Variants in SQOR observed in about 807,000 individuals in gnomAD.
SQOR encodes the protein sulfide:quinone oxidoreductase, mitochondrial.
In SQOR, 39 loss-of-function variants were observed where a neutral mutation model predicts 48.6. The observed-to-expected ratio is 0.80, with a 90% confidence interval of 0.62 to 1.05. The LOEUF is 1.05. Ranked by LOEUF, SQOR falls within the 50% of genes least tolerant of loss-of-function variation. SQOR has a pLI of 0.00. For missense variants in SQOR, 561 were observed against 559.9 expected (o/e 1.00, Z -0.02); for synonymous variants, 220 against 206.2 (o/e 1.07, Z -0.57).
At position 45,658,958 on chromosome 15, in the gene SQOR, G is replaced by A. The variant is rs187332233; in HGVS notation, c.35G>A (p.Arg12His). 36 of 1,578,628 alleles carry A rather than the reference G, an allele frequency of 2.3e-5. No individual in the cohort carries two copies. Among genetic ancestry groups the A allele is most frequent in the East Asian group, 2.1e-4 (9 of 43,790 alleles). The change falls in exon 2 of 10, where the codon CGT becomes CAT. Residue 12 changes from arginine (R) to histidine (H), a missense_variant. Arg to His is a conservative substitution (Grantham distance 29). Coordinates refer to ENST00000260324, the MANE Select transcript of SQOR (RefSeq NM_021199.4). ...CTGGTGGCTGTGGTATCAGGGCCCC[G>A]TGCCCAGCTCTTTGCCTGCCTGCTC... is the stretch of plus-strand genomic sequence containing the variant. Reference protein sequence around the residue: ...VPLVAVVSGPRAQLFACLLRL... With the variant: ...VPLVAVVSGPHAQLFACLLRL...
intron 3 of SQOR, among the ~76,000 whole-genome samples, chr15:45,666,443 G>A (rs975939590): frequency 3.3e-5 from 5 of 152,116 alleles, no homozygotes; most frequent in Non-Finnish European, 5.9e-5. Flanking sequence ...ATATTTGTGA[G>A]CAAATTGTGT....
At chr15:45,646,156 C>T (rs934982585) in intron 1 of SQOR, 1 of 152,224 alleles carries the variant, frequency 6.6e-6, no homozygotes, top group African/African-American at 2.4e-5. Context: ...TCTGCCCCTG[C>T]TTAGAGGCCG....
At chr15:45,668,700 G>A (rs1294632816) in intron 3 of SQOR, among the ~76,000 whole-genome samples, 2 of 152,266 alleles carry the variant, frequency 1.3e-5, no homozygotes, top group Non-Finnish European at 2.9e-5. Context: ...ACTGCGATTC[G>A]CTCGGGTTGC....
At chr15:45,669,218 G>A (rs183112973) in intron 3 of SQOR, among the ~76,000 whole-genome samples, 1 of 149,772 alleles carries the variant, frequency 6.7e-6, no homozygotes, top group East Asian at 2.0e-4. Context: ...CAACAAGGCT[G>A]GAGTGCAGTG....
chr15:45,646,814 C>T (rs1301569747), intron 1 of SQOR, among the ~76,000 whole-genome samples: 1 of 152,014 alleles, frequency 6.6e-6, no homozygotes, highest in Admixed American at 6.6e-5. Context: ...ACACCCCTAC[C>T]CACTTACACC....
chr15:45,672,221 C>T lies in SQOR; in HGVS notation c.460-1386C>T, dbSNP rs1033892487. 4.6e-5 allele frequency among the ~76,000 whole-genome samples: 7 copies of T among 152,020 alleles called. No homozygotes were observed. The East Asian group carries it at 1.4e-3, about 29-fold the overall frequency. On this transcript the variant is annotated intron_variant, in intron 4 of 9. Transcript: ENST00000260324. ...AGACCCCCAGGCAGGTGGGCAGAGG[C>T]CTTGGTGTCTGGTTCTTTAAGATTC...
chr15:45,651,213 T>G lies in SQOR; in HGVS notation c.-17-7694T>G, dbSNP rs538940895. 2.3e-4 allele frequency among the ~76,000 whole-genome samples: 35 copies of G among 152,286 alleles called. 1 individual carries two copies. In the East Asian group the frequency reaches 6.0e-3, roughly 26 times the overall value. Reference sequence around the variant, plus strand: ...CGCAGCACCTGCGGGCCGGCACTGCTGGGGGACCTGGTGCACCCTCCGCAG... The same window carrying G: ...CGCAGCACCTGCGGGCCGGCACTGCGGGGGGACCTGGTGCACCCTCCGCAG... On this transcript the variant is annotated intron_variant, in intron 1 of 9. Coordinates refer to ENST00000260324, the MANE Select transcript of SQOR (RefSeq NM_021199.4).
At chr15:45,650,666 G>C (rs956597917) in intron 1 of SQOR, among the ~76,000 whole-genome samples, 14 of 152,184 alleles carry the variant, frequency 9.2e-5, no homozygotes, top group Non-Finnish European at 4.4e-5. Context: ...GAGCTGATTG[G>C]TCTGTTTTTA....
At position 45,659,088 on chromosome 15, in the gene SQOR, AATCACCATGGCTGCCCGC is replaced by A; in HGVS notation, c.168_185del (p.Ile56_Arg61del). The A allele has an allele frequency of 6.3e-7, 1 of 1,591,858 alleles. No individual in the cohort carries two copies. Among genetic ancestry groups the A allele is most frequent in the Non-Finnish European group, 8.6e-7 (1 of 1,169,202 alleles). ...TGGTGCTGGGTGGGGGCAGTGGCGG[AATCACCATGGCTGCCCGC>A]ATGAAGAGGAAAGTGGGTGCAGAGA... On this transcript the variant is annotated inframe_deletion, in exon 2 of 10. Transcript: ENST00000260324.
chr15:45,661,669 T>C (rs914156331), intron 2 of SQOR, among the ~76,000 whole-genome samples: 2 of 151,492 alleles, frequency 1.3e-5, no homozygotes, highest in African/African-American at 2.4e-5. Flanking sequence ...CATGTACATA[T>C]TAAACACCAA....
At chr15:45,686,308 C>T (rs879780250) in intron 7 of SQOR, among the ~76,000 whole-genome samples, 5 of 152,200 alleles carry the variant, frequency 3.3e-5, no homozygotes, top group Non-Finnish European at 5.9e-5. Context: ...CCTGCCACCA[C>T]GCCTGGCTAA....
At chr15:45,684,690 A>C (rs1172150330) in intron 7 of SQOR, among the ~76,000 whole-genome samples, 2 of 151,716 alleles carry the variant, frequency 1.3e-5, no homozygotes, top group Non-Finnish European at 2.9e-5. Context: ...TTGAAATGAC[A>C]CTCATTTAAT....
intron 6 of SQOR, among the ~76,000 whole-genome samples, chr15:45,679,885 T>C (rs77516552): frequency 4.7e-4 from 71 of 152,340 alleles, no homozygotes; most frequent in African/African-American, 1.7e-3. Flanking sequence ...GATCTTGGCA[T>C]GGTGTAGCCT....
chr15:45,669,442 G>A (rs1453914639), intron 3 of SQOR, among the ~76,000 whole-genome samples: 1 of 152,164 alleles, frequency 6.6e-6, no homozygotes, highest in African/African-American at 2.4e-5. Context: ...GGGATGACAG[G>A]TGTGAGCCAC....
chr15:45,652,552 C>T (rs1889513322), intron 1 of SQOR, among the ~76,000 whole-genome samples: 2 of 150,804 alleles, frequency 1.3e-5, no homozygotes, highest in South Asian at 4.2e-4. Context: ...CCATGTTGGC[C>T]AGGCTGTTCT....
chr15:45,636,295 A>G (rs1232985765), intron 1 of SQOR, among the ~76,000 whole-genome samples: 1 of 152,180 alleles, frequency 6.6e-6, no homozygotes, highest in Non-Finnish European at 1.5e-5. Context: ...AACAAGATCT[A>G]GCAGTGGATT....
intron 1 of SQOR, among the ~76,000 whole-genome samples, chr15:45,641,098 G>A (rs2140937170): frequency 6.6e-6 from 1 of 152,090 alleles, no homozygotes; most frequent in East Asian, 1.9e-4. Flanking sequence ...TAATCCAATT[G>A]ACTGACATAT....
upstream of SQOR, among the ~76,000 whole-genome samples, chr15:45,634,198 C>CTATATATATAAATATATATATATATATA (rs1894952037): frequency 2.3e-5 from 1 of 43,844 alleles, no homozygotes; most frequent in Admixed American, 2.4e-4. Flanking sequence ...ACAACAACAA[C>CTATATATATAAATATATATATATATATA]TATATATATA....
At chr15:45,681,708 A>T (rs2140960834) in intron 6 of SQOR, among the ~76,000 whole-genome samples, 1 of 152,290 alleles carries the variant, frequency 6.6e-6, no homozygotes, top group Middle Eastern at 3.4e-3. Context: ...TAAAAAGAAT[A>T]ATAAGAACCA....
Sources: allele counts gnomAD v4.1 joint callset (sites outside exome capture counted in the v4.1 genomes callset), GRCh38; gene constraint gnomAD v4.1.1; transcripts MANE v1.5; gene names NCBI Gene and HGNC (gene_info 2026-07-23, HGNC 2026-07-21).